The following COL28A1 variants were observed in gnomAD, a reference collection of about 807,000 sequenced individuals.
The protein encoded by COL28A1 is collagen alpha-1(XXVIII) chain.
COL28A1 carries 161 observed loss-of-function variants against 150.2 expected under a neutral mutation model. The observed-to-expected ratio is 1.07, with a 90% CI of 0.94 to 1.22. The LOEUF is 1.22. Among genes scored for constraint, COL28A1 ranks in the 50% most tolerant of loss-of-function variants. COL28A1 has a pLI of 0.00. For synonymous variants in COL28A1, 552 were observed against 469.7 expected, an observed-to-expected ratio of 1.18 and a Z score of -2.26; for missense variants, 1,617 against 1,388.3, an observed-to-expected ratio of 1.16 and a Z score of -2.62.
At chr7:7,390,524 A>T (rs190436486) in intron 27 of COL28A1, among the ~76,000 whole-genome samples, 6 of 152,176 alleles carry the variant, frequency 3.9e-5, no homozygotes, top group African/African-American at 1.4e-4. Flanking sequence ...GTTAGGGAGG[A>T]GTCCCTCTTT....
downstream of COL28A1, among the ~76,000 whole-genome samples, chr7:7,354,182 T>A (rs924548732): frequency 2.0e-5 from 3 of 152,018 alleles, no homozygotes; most frequent in African/African-American, 7.3e-5. Flanking sequence ...TTTGTAGAGA[T>A]GGAGTTTTCC....
intron 8 of COL28A1, among the ~76,000 whole-genome samples, chr7:7,513,669 C>A (rs932554894): frequency 6.6e-6 from 1 of 152,182 alleles, no homozygotes; most frequent in Non-Finnish European, 1.5e-5. Context: ...TAAAATGAGT[C>A]AACCACCAAA....
At chr7:7,453,771 G>A (rs961140995) in intron 16 of COL28A1, among the ~76,000 whole-genome samples, 2 of 149,114 alleles carry the variant, frequency 1.3e-5, no homozygotes, top group African/African-American at 5.2e-5. Flanking sequence ...GTGGCCATGT[G>A]GGCTAGATTC....
intron 6 of COL28A1, among the ~76,000 whole-genome samples, chr7:7,518,659 C>T (rs764198806): frequency 2.0e-4 from 31 of 152,174 alleles, no homozygotes; most frequent in Non-Finnish European, 3.7e-4. Context: ...ACCAGTTTCA[C>T]TGCCACATTG....
chr7:7,491,405 G>A (rs1354496619), intron 11 of COL28A1, among the ~76,000 whole-genome samples: 8 of 152,152 alleles, frequency 5.3e-5, no homozygotes, highest in Non-Finnish European at 1.0e-4. Context: ...CAATCTCTAG[G>A]ACAAAAGCCA....
At chr7:7,436,497 G>C (rs1451290716) in intron 22 of COL28A1, 34 bp from the exon 23 acceptor site, 1 of 1,000,420 alleles carries the variant, frequency 1.0e-6, no homozygotes, top group Admixed American at 1.7e-5. Context: ...ACAGGCTACA[G>C]TTGTGCGAGA....
chr7:7,431,611 T>C (rs1784980756), intron 25 of COL28A1: 1 of 471,144 alleles, frequency 2.1e-6, no homozygotes. Flanking sequence ...AGTCGGGGCA[T>C]GAAGGATCTT....
intron 13 of COL28A1, among the ~76,000 whole-genome samples, chr7:7,478,440 G>T (rs566092582): frequency 3.3e-5 from 5 of 152,248 alleles, no homozygotes; most frequent in Non-Finnish European, 7.3e-5. Context: ...GGACATAAAG[G>T]TTCTCCAAGT....
At chr7:7,462,656 C>T (rs1787725032) in intron 15 of COL28A1, among the ~76,000 whole-genome samples, 1 of 152,128 alleles carries the variant, frequency 6.6e-6, no homozygotes. Context: ...GTCAGGAGTT[C>T]ACGACCAGCC....
intron 26 of COL28A1, among the ~76,000 whole-genome samples, 172 bp downstream of exon 26, chr7:7,419,713 G>A (rs529267391): frequency 6.6e-6 from 1 of 152,260 alleles, no homozygotes; most frequent in South Asian, 2.1e-4. Context: ...TTATAAACTC[G>A]AATGTTCTAT....
intron 3 of COL28A1, among the ~76,000 whole-genome samples, chr7:7,530,478 G>A (rs1249824806): frequency 2.0e-5 from 3 of 152,180 alleles, no homozygotes; most frequent in Non-Finnish European, 4.4e-5. Context: ...GAAACGCTCA[G>A]TACATAAAGG....
At chr7:7,439,154 A>G (rs1201787543) in intron 21 of COL28A1, among the ~76,000 whole-genome samples, 2 of 152,210 alleles carry the variant, frequency 1.3e-5, no homozygotes, top group South Asian at 4.1e-4. Flanking sequence ...GGACTCCATC[A>G]GTCAGATTCA....
chr7:7,519,420 T>A (rs1781590507), intron 6 of COL28A1, among the ~76,000 whole-genome samples: 1 of 152,204 alleles, frequency 6.6e-6, no homozygotes, highest in Non-Finnish European at 1.5e-5. Context: ...ATCACTCCCT[T>A]TTCTTTAATT....
intron 15 of COL28A1, among the ~76,000 whole-genome samples, chr7:7,462,076 A>G (rs1562732641): frequency 6.6e-6 from 1 of 152,196 alleles, no homozygotes; most frequent in Non-Finnish European, 1.5e-5. Context: ...AGCCCCCAGT[A>G]CCAGCCTGGA....
intron 30 of COL28A1, among the ~76,000 whole-genome samples, chr7:7,380,330 A>T (rs1006744040): frequency 1.3e-5 from 2 of 152,218 alleles, no homozygotes; most frequent in African/African-American, 4.8e-5. Context: ...GACGAACCAC[A>T]TAAATTAAAG....
intron 15 of COL28A1, among the ~76,000 whole-genome samples, chr7:7,460,120 C>G (rs1787489803): frequency 1.3e-5 from 2 of 152,152 alleles, no homozygotes; most frequent in Non-Finnish European, 2.9e-5. Flanking sequence ...CCAAAATCAC[C>G]TAACACAAGT....
chr7:7,457,764 CAAG>C (rs998046710), intron 15 of COL28A1, among the ~76,000 whole-genome samples: 15 of 152,154 alleles, frequency 9.9e-5, no homozygotes, highest in African/African-American at 3.4e-4. Context: ...GAGAGTGTTT[CAAG>C]AAGGTGAGGG....
In COL28A1 at chr7:7,491,820, C is replaced by G. The variant is rs569800198; in HGVS notation, c.1027-1174G>C. Among the ~76,000 whole-genome samples, 8 of 152,278 alleles carry G rather than the reference C, an allele frequency of 5.3e-5. 2 individuals are homozygous for G. The highest frequency in any genetic ancestry group is 1.9e-4 in the African/African-American group (8 of 41,556). On this transcript the variant is annotated intron_variant, in intron 11 of 34. Coordinates refer to ENST00000399429, the MANE Select transcript of COL28A1 (RefSeq NM_001037763.3). ...GGGAGTGGCTATTGACCCCAATTAC[C>G]CATTTCATAATATTATTTTTTTCTG...
At chr7:7,484,000 A>G (rs1779490396) in intron 13 of COL28A1, among the ~76,000 whole-genome samples, 1 of 152,160 alleles carries the variant, frequency 6.6e-6, no homozygotes, top group African/African-American at 2.4e-5. Context: ...ATTGCAACCA[A>G]ATATCTAGTA....
Sources: gnomAD v4.1 joint callset for allele counts (sites outside exome capture counted in the v4.1 genomes callset) on GRCh38, gnomAD v4.1.1 for gene constraint, MANE v1.5 for transcripts, NCBI Gene and HGNC (gene_info 2026-07-23, HGNC 2026-07-21) for gene names.